The following FZD3 variants were observed in gnomAD, a reference collection of about 807,000 sequenced individuals.
The protein encoded by FZD3 is frizzled-3.
A neutral mutation model predicts 60.7 loss-of-function variants in FZD3; 30 were observed. The observed-to-expected ratio is 0.49, with a 90% CI of 0.37 to 0.67. The LOEUF is 0.67. Among genes scored for constraint, FZD3 ranks in the 30% least tolerant of loss-of-function variants. The pLI is 0.00. For synonymous variants in FZD3, 246 were observed against 275.2 expected, an observed-to-expected ratio of 0.89 and a Z score of 1.05; for missense variants, 605 against 838.7, an observed-to-expected ratio of 0.72 and a Z score of 3.44.
chr8:28,542,320 A>G (rs1453297516), intron 5 of FZD3, among the ~76,000 whole-genome samples: 3 of 152,130 alleles, frequency 2.0e-5, no homozygotes, highest in Admixed American at 2.0e-4. Context: ...TCCTTGAAGA[A>G]GCCTTTACTG....
At chr8:28,547,570 AC>A (rs1276416171) in intron 5 of FZD3, among the ~76,000 whole-genome samples, 1 of 152,184 alleles carries the variant, frequency 6.6e-6, no homozygotes, top group Non-Finnish European at 1.5e-5. Context: ...TTTGGATCTT[AC>A]CTATTTGATA....
intron 3 of FZD3, among the ~76,000 whole-genome samples, chr8:28,518,113 T>C (rs1181742472): frequency 1.3e-5 from 2 of 152,110 alleles, no homozygotes; most frequent in Non-Finnish European, 2.9e-5. Flanking sequence ...CATAGCTCAC[T>C]GCAGCTTTGA....
intron 5 of FZD3, among the ~76,000 whole-genome samples, chr8:28,538,372 G>GT (rs764729473): frequency 2.0e-5 from 3 of 152,012 alleles, no homozygotes; most frequent in African/African-American, 4.8e-5. Flanking sequence ...TATATGCTGT[G>GT]TGTCATGTCC....
At chr8:28,561,087 G>A (rs947675471) in intron 7 of FZD3, among the ~76,000 whole-genome samples, 10 of 151,858 alleles carry the variant, frequency 6.6e-5, no homozygotes, top group African/African-American at 1.4e-4. Context: ...ACAGAGTTTC[G>A]CTCTTGTCAC....
At position 28,563,116 on chromosome 8, in the gene FZD3, T is replaced by C; in HGVS notation, c.*105T>C. On this transcript the variant is annotated 3_prime_UTR_variant, in exon 8 of 8. Coordinates refer to ENST00000240093, the MANE Select transcript of FZD3 (RefSeq NM_017412.4). ...TAACTCACAGTTAACATGCTTTCAG[T>C]CAAGTACAGATTGTGTCCACTGGAA... The C allele has an allele frequency of 1.3e-6, 1 of 769,844 alleles. No individual in the cohort carries two copies. The highest frequency in any genetic ancestry group is 1.5e-5 in the South Asian group (1 of 65,082). The allele number at this position is 769,844 out of a possible 1,614,324, so 47.7% of individuals were successfully genotyped here.
In FZD3 at chr8:28,520,639, C is replaced by T. The variant is rs762953218; in HGVS notation, c.191C>T (p.Pro64Leu). The change falls in exon 4 of 8, where the codon CCA (proline) becomes CTA (leucine). Residue 64 changes from proline (P) to leucine (L), a missense_variant and splice_region_variant. Transcript: ENST00000240093. ...TATTCAATTTTAACTTTTCCCTAGC[C>T]ATTCCACCCTATGGTGAATCTGGAT... ...DQQTAALAMEPFHPMVNLDCS... is the reference protein window; with the variant it reads ...DQQTAALAMELFHPMVNLDCS... 4 of 1,545,068 alleles carry T rather than the reference C, an allele frequency of 2.6e-6. No individual in the cohort carries two copies. Among genetic ancestry groups the T allele is most frequent in the East Asian group, 4.6e-5 (2 of 43,082 alleles).
At chr8:28,552,816 G>A (rs569006372) in intron 6 of FZD3, among the ~76,000 whole-genome samples, 3 of 151,966 alleles carry the variant, frequency 2.0e-5, no homozygotes, top group East Asian at 1.9e-4. Context: ...TGTATCTGGC[G>A]GTTCCATATC....
At chr8:28,506,344 A>G (rs1804140376) in intron 3 of FZD3, among the ~76,000 whole-genome samples, 1 of 152,214 alleles carries the variant, frequency 6.6e-6, no homozygotes, top group Admixed American at 6.5e-5. Flanking sequence ...TTGATTTCCA[A>G]TAGGAAGTAA....
intron 3 of FZD3, among the ~76,000 whole-genome samples, chr8:28,512,821 A>T (rs1473125705): frequency 1.3e-5 from 2 of 152,008 alleles, no homozygotes; most frequent in Non-Finnish European, 2.9e-5. Context: ...TGAAAGACAA[A>T]TTTTTTTACT....
chr8:28,559,096 A>G (rs1805568835), intron 7 of FZD3, among the ~76,000 whole-genome samples: 1 of 152,206 alleles, frequency 6.6e-6, no homozygotes, highest in East Asian at 1.9e-4. Context: ...AATGAACAGT[A>G]AAAGATGAGT....
chr8:28,501,231 C>A (rs1323304466), intron 2 of FZD3, among the ~76,000 whole-genome samples: 1 of 152,166 alleles, frequency 6.6e-6, no homozygotes, highest in Non-Finnish European at 1.5e-5. Flanking sequence ...ATAGACTTTT[C>A]TTTTCCCTTC....
At position 28,562,789 on chromosome 8, in the gene FZD3, T is replaced by C. The variant is rs1374508300; in HGVS notation, c.1788-9T>C. On this transcript the variant is annotated splice_polypyrimidine_tract_variant and intron_variant, in intron 7 of 7. Coordinates refer to ENST00000240093, the MANE Select transcript of FZD3 (RefSeq NM_017412.4). Reference sequence around the variant, plus strand: ...CTGTTACCCACTTCAAAATAAACTCTCATGACAGGTACACGCCCTGCAGTT... The same window carrying C: ...CTGTTACCCACTTCAAAATAAACTCCCATGACAGGTACACGCCCTGCAGTT... 1 of 1,554,878 alleles carries C rather than the reference T, an allele frequency of 6.4e-7. No individual in the cohort carries two copies. The highest frequency in any genetic ancestry group is 8.8e-7 in the Non-Finnish European group (1 of 1,132,794).
chr8:28,546,093 A>G (rs1805287170), intron 5 of FZD3, among the ~76,000 whole-genome samples: 1 of 152,250 alleles, frequency 6.6e-6, no homozygotes, highest in East Asian at 1.9e-4. Context: ...GGGCTATACC[A>G]TCTAGGTTTA....
At position 28,571,489 on chromosome 8, in the gene FZD3, T is replaced by C. The variant is rs1805806199; in HGVS notation, c.*8478T>C. On this transcript the variant is annotated 3_prime_UTR_variant, in exon 8 of 8. Transcript: ENST00000240093. Reference sequence around the variant, plus strand: ...TATGGGACTCCCCAATGTGAAAATATTAGTCTGGACATTCTCTTGCCATCA... The same window carrying C: ...TATGGGACTCCCCAATGTGAAAATACTAGTCTGGACATTCTCTTGCCATCA... The C allele has an allele frequency of 6.6e-6, 1 of 152,176 alleles. No individual in the cohort carries two copies. Among genetic ancestry groups the C allele is most frequent in the Admixed American group, 6.5e-5 (1 of 15,280 alleles). The allele number at this position is 152,176 out of a possible 1,614,324, so 9.4% of individuals were successfully genotyped here.
intron 1 of FZD3, among the ~76,000 whole-genome samples, chr8:28,495,424 G>A (rs775756907): frequency 4.6e-5 from 7 of 152,188 alleles, no homozygotes; most frequent in Non-Finnish European, 8.8e-5. Context: ...TCATCTTAGA[G>A]AAGTAGTTCT....
chr8:28,517,986 A>T (rs1175631011), intron 3 of FZD3, among the ~76,000 whole-genome samples: 1 of 152,204 alleles, frequency 6.6e-6, no homozygotes, highest in Non-Finnish European at 1.5e-5. Context: ...GTTGCTATAG[A>T]AAAGATTAAT....
intron 3 of FZD3, among the ~76,000 whole-genome samples, chr8:28,516,596 T>C (rs1046114491): frequency 6.6e-6 from 1 of 152,214 alleles, no homozygotes; most frequent in Non-Finnish European, 1.5e-5. Flanking sequence ...GTTTTCTGAC[T>C]TACATGACAT....
At chr8:28,522,349 C>G (rs1804603855) in intron 4 of FZD3, among the ~76,000 whole-genome samples, 1 of 151,376 alleles carries the variant, frequency 6.6e-6, no homozygotes, top group East Asian at 1.9e-4. Context: ...AAGAACCTAT[C>G]TACGATTTTA....
intron 3 of FZD3, among the ~76,000 whole-genome samples, chr8:28,509,521 C>T (rs934648132): frequency 6.6e-6 from 1 of 152,000 alleles, no homozygotes; most frequent in African/African-American, 2.4e-5. Flanking sequence ...AACATAATTA[C>T]AATTCCATCT....
Sources: allele counts gnomAD v4.1 joint callset (sites outside exome capture counted in the v4.1 genomes callset), GRCh38; gene constraint gnomAD v4.1.1; transcripts MANE v1.5; gene names NCBI Gene and HGNC (gene_info 2026-07-23, HGNC 2026-07-21).